Variants in PXYLP1 observed in about 807,000 individuals in gnomAD.
PXYLP1 encodes acid phosphatase-like 2.
Under a neutral mutation model 37.9 loss-of-function variants are expected in PXYLP1, and 17 were observed. The ratio of observed to expected loss-of-function variants is 0.45; its 90% CI spans 0.31 to 0.67. The LOEUF (loss-of-function observed/expected upper bound fraction) is 0.67. PXYLP1 is among the 30% of genes least tolerant of loss of function. PXYLP1 has a pLI of 0.07. For synonymous variants in PXYLP1, 221 were observed against 232.2 expected (o/e 0.95, Z 0.44); for missense variants, 511 against 612.0 (o/e 0.84, Z 1.74).
At chr3:141,268,718 G>A (rs145231287) in intron 2 of PXYLP1, among the ~76,000 whole-genome samples, 9 of 152,284 alleles carry the variant, frequency 5.9e-5, no homozygotes, top group African/African-American at 1.7e-4. Context: ...GGAGCTCTGG[G>A]ACTGCCTCAC....
At chr3:141,251,931 T>A (rs1941149096) in intron 1 of PXYLP1, among the ~76,000 whole-genome samples, 1 of 152,182 alleles carries the variant, frequency 6.6e-6, no homozygotes, top group Admixed American at 6.5e-5. Context: ...CTGCTAATAC[T>A]TACTGAGAGC....
At chr3:141,279,347 G>A (rs1201745920) in intron 3 of PXYLP1, 31 bp from the exon 4 acceptor site, 1 of 1,613,094 alleles carries the variant, frequency 6.2e-7, no homozygotes, top group African/African-American at 1.3e-5. Flanking sequence ...CCTATTGAGT[G>A]ATAACCAGAC....
intron 2 of PXYLP1, chr3:141,274,309 C>G: frequency 7.3e-7 from 1 of 1,369,258 alleles, no homozygotes; most frequent in Non-Finnish European, 9.4e-7. Flanking sequence ...CTCCTGGAGC[C>G]CGGCCTGCAC....
At position 141,292,690 on chromosome 3, in the gene PXYLP1, T is replaced by A; in HGVS notation, c.928T>A (p.Cys310Ser). 2 of 1,613,992 alleles carry A rather than the reference T, an allele frequency of 1.2e-6. No homozygotes were observed. The highest frequency in any genetic ancestry group is 1.7e-6 in the Non-Finnish European group (2 of 1,179,964). ...CHFCHNVSFP[C>S]TRNGCVDMEH... ...CTTCTGCCACAATGTCAGCTTTCCCTGTACCAGAAATGGCTGTGTTGACAT... is the reference window on the plus strand; with the variant it reads ...CTTCTGCCACAATGTCAGCTTTCCCAGTACCAGAAATGGCTGTGTTGACAT... The change falls in exon 6 of 6, where the codon TGT becomes AGT. Residue 310 changes from cysteine (C) to serine (S), a missense_variant. Transcript: ENST00000286353. This position sits in a 1 kb window ranked among gnomAD's most constrained non-coding sequence, Gnocchi z 4.3.
At chr3:141,268,239 G>A (rs900879935) in intron 2 of PXYLP1, among the ~76,000 whole-genome samples, 11 of 144,534 alleles carry the variant, frequency 7.6e-5, no homozygotes, top group Non-Finnish European at 1.3e-4. Flanking sequence ...GTGTGTGTGT[G>A]TGTCTTGAGT....
At chr3:141,254,401 CTGAA>C (rs1441625265) in intron 1 of PXYLP1, among the ~76,000 whole-genome samples, 1 of 152,202 alleles carries the variant, frequency 6.6e-6, no homozygotes, top group South Asian at 2.1e-4. Context: ...AATTGACTGA[CTGAA>C]TGAATGAGTG....
chr3:141,276,539 G>A (rs113123582), intron 2 of PXYLP1, among the ~76,000 whole-genome samples: 5,920 of 152,110 alleles, frequency 0.039, 176 homozygotes, highest in Middle Eastern at 0.1. Flanking sequence ...GGGACATAAC[G>A]TTCTGTTCTG....
chr3:141,253,472 T>C (rs1941191021), intron 1 of PXYLP1, among the ~76,000 whole-genome samples: 1 of 152,172 alleles, frequency 6.6e-6, no homozygotes, highest in Non-Finnish European at 1.5e-5. Context: ...CATTCTGTTT[T>C]CCTAAAATTC....
At chr3:141,249,396 C>T (rs1322647000) in intron 1 of PXYLP1, among the ~76,000 whole-genome samples, 1 of 151,476 alleles carries the variant, frequency 6.6e-6, no homozygotes, top group African/African-American at 2.4e-5. Context: ...CACAGAAATG[C>T]AGGCCTTGAT....
rs763036747 is a variant in PXYLP1 at position 141,274,699 on chromosome 3, G to A, written c.80-3643G>A. The A allele has an allele frequency of 1.4e-5, 10 of 704,936 alleles. No homozygotes were observed. The Middle Eastern group carries it at 6.8e-4, about 48-fold the overall frequency. 43.7% of individuals were successfully genotyped at this position (704,936 alleles called of 1,614,324 possible). ...AAAGACGCACACTCCCAGCCCTCTG[G>A]ATGTTTGGGATGGCAGGGTGACAAA... On this transcript the variant is annotated intron_variant, in intron 2 of 5. Coordinates refer to ENST00000286353, the MANE Select transcript of PXYLP1 (RefSeq NM_001037172.3).
intron 2 of PXYLP1, chr3:141,262,374 T>G (rs1941411866): frequency 4.8e-6 from 5 of 1,040,766 alleles, no homozygotes; most frequent in Middle Eastern, 7.1e-4. Flanking sequence ...GTTTATAAAT[T>G]TTCATTAAAA....
intron 2 of PXYLP1, among the ~76,000 whole-genome samples, chr3:141,263,982 G>C (rs1211634691): frequency 6.6e-6 from 1 of 151,516 alleles, no homozygotes; most frequent in East Asian, 1.9e-4. Context: ...TCAGCCACTT[G>C]GTGGGGAAAG....
intron 1 of PXYLP1, among the ~76,000 whole-genome samples, chr3:141,241,189 A>G (rs1940790561): frequency 6.6e-6 from 1 of 152,184 alleles, no homozygotes; most frequent in African/African-American, 2.4e-5. Flanking sequence ...CTCAGTAATA[A>G]TTGATGAGTG....
At chr3:141,272,306 A>G (rs1379171972) in intron 2 of PXYLP1, among the ~76,000 whole-genome samples, 2 of 152,174 alleles carry the variant, frequency 1.3e-5, no homozygotes, top group Non-Finnish European at 2.9e-5. Context: ...AAGGCTAGAC[A>G]GGGGTTTGTG....
At position 141,280,183 on chromosome 3, in the gene PXYLP1, T is replaced by C. The variant is rs75259256; in HGVS notation, c.365+679T>C. ...ATGTGTCTGGAGGCACATAACATTC[T>C]AGCAGAGTTTAGTGAATGAGGTCAG... is the stretch of plus-strand genomic sequence containing the variant. On this transcript the variant is annotated intron_variant, in intron 4 of 5. Coordinates refer to ENST00000286353, the MANE Select transcript of PXYLP1 (RefSeq NM_001037172.3). Among the ~76,000 whole-genome samples, 59 of 152,338 alleles carry C rather than the reference T, an allele frequency of 3.9e-4. No individual in the cohort carries two copies. In the East Asian group the frequency reaches 0.011, roughly 29 times the overall value.
rs906197938 is a variant in PXYLP1, at chr3:141,290,912, A to G, written c.506-1356A>G. On this transcript the variant is annotated intron_variant, in intron 5 of 5. Coordinates refer to ENST00000286353, the MANE Select transcript of PXYLP1 (RefSeq NM_001037172.3). ...TTTATGTGGCCTAACCAAATAAAAT[A>G]GGCCCCGCAGTGAACTAGGGTGAGA... is the stretch of plus-strand genomic sequence containing the variant. Among the ~76,000 whole-genome samples the G allele has an allele frequency of 2.0e-5, 3 of 152,244 alleles. 1 individual carries two copies. In the South Asian group the frequency reaches 6.2e-4, roughly 31 times the overall value.
chr3:141,289,284 GAATTA>G (rs1392422577), intron 5 of PXYLP1, among the ~76,000 whole-genome samples: 1 of 126,594 alleles, frequency 7.9e-6, no homozygotes, highest in Non-Finnish European at 1.6e-5. Context: ...CACAAAAACA[GAATTA>G]GATTCTACAG....
intron 4 of PXYLP1, among the ~76,000 whole-genome samples, chr3:141,281,073 G>A (rs769647086): frequency 6.6e-6 from 1 of 152,176 alleles, no homozygotes; most frequent in East Asian, 1.9e-4. Flanking sequence ...GCCATATTTA[G>A]TAAATGCTTT....
intron 1 of PXYLP1, among the ~76,000 whole-genome samples, chr3:141,242,880 G>A (rs1940845436): frequency 6.6e-6 from 1 of 152,172 alleles, no homozygotes; most frequent in Admixed American, 6.5e-5. Flanking sequence ...CAGGAATTTG[G>A]GGCTGGTTTG....
Sources: allele counts gnomAD v4.1 joint callset (sites outside exome capture counted in the v4.1 genomes callset), GRCh38; gene constraint gnomAD v4.1.1; non-coding constraint Gnocchi (gnomAD v3.1); transcripts MANE v1.5; gene names NCBI Gene and HGNC (gene_info 2026-07-23, HGNC 2026-07-21).